The following MTUS2 variants were observed in gnomAD, a reference collection of about 807,000 sequenced individuals.
MTUS2 encodes the protein microtubule-associated tumor suppressor candidate 2.
Under a neutral mutation model 114.1 loss-of-function variants are expected in MTUS2, and 40 were observed. That is an observed-to-expected ratio of 0.35 (90% CI 0.27 to 0.46). The LOEUF is 0.46. Among genes scored for constraint, MTUS2 ranks in the 20% least tolerant of loss-of-function variants. MTUS2 has a pLI of 1.00. For synonymous variants in MTUS2, 688 were observed against 672.0 expected, an observed-to-expected ratio of 1.02 and a Z score of -0.37; for missense variants, 1,679 against 1,705.4, an observed-to-expected ratio of 0.98 and a Z score of 0.27.
At chr13:29,158,358 C>CCCCCCCCTTTTTTTTT in intron 5 of MTUS2, among the ~76,000 whole-genome samples, 3 of 32,048 alleles carry the variant, frequency 9.4e-5, no homozygotes, top group Non-Finnish European at 1.0e-4. Flanking sequence ...GTCCACCCCG[C>CCCCCCCCTTTTTTTTT]TTTTTTTTTT....
intron 4 of MTUS2, among the ~76,000 whole-genome samples, chr13:29,083,695 A>G (rs1021180010): frequency 6.6e-6 from 1 of 152,142 alleles, no homozygotes; most frequent in Non-Finnish European, 1.5e-5. Flanking sequence ...TGAAGGAACA[A>G]TGGAGGCATG....
intron 8 of MTUS2, among the ~76,000 whole-genome samples, chr13:29,434,930 A>G (rs1877296375): frequency 6.6e-6 from 1 of 152,240 alleles, no homozygotes; most frequent in Admixed American, 6.5e-5. Context: ...ATTGGGAGCC[A>G]TGTCTAAAAA....
intron 2 of MTUS2, among the ~76,000 whole-genome samples, chr13:28,997,022 G>T (rs891351764): frequency 2.6e-5 from 4 of 152,116 alleles, no homozygotes; most frequent in Admixed American, 2.6e-4. Context: ...GCTTTCTCTT[G>T]TGGGCATTTA....
At chr13:28,948,106 G>A (rs1003659256) in intron 2 of MTUS2, among the ~76,000 whole-genome samples, 1 of 152,098 alleles carries the variant, frequency 6.6e-6, no homozygotes, top group Non-Finnish European at 1.5e-5. Flanking sequence ...TACTGAACAC[G>A]ATGTAGCTAT....
chr13:29,241,528 G>C (rs1896732546), intron 5 of MTUS2, among the ~76,000 whole-genome samples: 1 of 152,048 alleles, frequency 6.6e-6, no homozygotes, highest in African/African-American at 2.4e-5. Context: ...CTTTTTCAGA[G>C]CGGCCGCCCT....
intron 9 of MTUS2, among the ~76,000 whole-genome samples, chr13:29,455,940 C>T (rs1457774673): frequency 1.3e-5 from 2 of 152,034 alleles, no homozygotes; most frequent in South Asian, 2.1e-4. Context: ...ATGATTACAC[C>T]ACTGCACTCC....
At chr13:29,486,420 C>T (rs1881621351) in intron 10 of MTUS2, among the ~76,000 whole-genome samples, 1 of 152,176 alleles carries the variant, frequency 6.6e-6, no homozygotes, top group Non-Finnish European at 1.5e-5. Context: ...GTCAACTTCA[C>T]AGTCAGGCTT....
intron 5 of MTUS2, among the ~76,000 whole-genome samples, chr13:29,275,535 C>T (rs956488394): frequency 2.6e-5 from 4 of 152,166 alleles, no homozygotes; most frequent in African/African-American, 9.7e-5. Flanking sequence ...ACCCTTCCAG[C>T]TTCTAATAAC....
At chr13:29,179,651 A>G (rs543970771) in intron 5 of MTUS2, among the ~76,000 whole-genome samples, 1 of 152,372 alleles carries the variant, frequency 6.6e-6, no homozygotes, top group South Asian at 2.1e-4. Context: ...AATTAAAAAC[A>G]AACTTTGAAA....
chr13:29,110,647 C>T (rs1351664475), intron 5 of MTUS2, among the ~76,000 whole-genome samples: 1 of 147,490 alleles, frequency 6.8e-6, no homozygotes, highest in Non-Finnish European at 1.5e-5. Context: ...TGCTTCCTTC[C>T]CACACATTTA....
chr13:29,210,344 G>A (rs1467796115), intron 5 of MTUS2, among the ~76,000 whole-genome samples: 1 of 151,772 alleles, frequency 6.6e-6, no homozygotes, highest in Non-Finnish European at 1.5e-5. Flanking sequence ...CTGTAACTTT[G>A]TTTTCTTTTA....
chr13:29,462,426 C>A (rs920356805), intron 9 of MTUS2, among the ~76,000 whole-genome samples: 4 of 152,002 alleles, frequency 2.6e-5, no homozygotes, highest in Non-Finnish European at 5.9e-5. Flanking sequence ...TTAAATGGTA[C>A]AGGAGACAAG....
rs1035190899 is a variant in MTUS2 at position 29,350,981 on chromosome 13, A to C, written c.2906-8281A>C. The stretch of plus-strand genomic sequence containing the variant: ...ATTTCATATATATATATATATATAT[A>C]TATCTTCAGAGGACACAAACATTCA... On this transcript the variant is annotated intron_variant, in intron 7 of 15. Coordinates refer to ENST00000612955, the MANE Select transcript of MTUS2 (RefSeq NM_001033602.4). 2.2e-4 allele frequency among the ~76,000 whole-genome samples: 25 copies of C among 115,120 alleles called. 1 individual carries two copies. Among genetic ancestry groups the C allele is most frequent in the African/African-American group, 6.8e-4 (23 of 33,776 alleles). 75.5% of individuals were successfully genotyped at this position (115,120 alleles called of 152,430 possible).
At chr13:28,830,175 C>A (rs1018488840) in intron 1 of MTUS2, among the ~76,000 whole-genome samples, 2 of 152,116 alleles carry the variant, frequency 1.3e-5, no homozygotes, top group Admixed American at 6.5e-5. Flanking sequence ...AATATAACAA[C>A]AAACCTTTAT....
chr13:28,997,511 T>C (rs915924880), intron 2 of MTUS2, among the ~76,000 whole-genome samples: 47 of 152,320 alleles, frequency 3.1e-4, no homozygotes, highest in African/African-American at 9.9e-4. Flanking sequence ...CCCATTATTA[T>C]TGTTTGGGAG....
intron 5 of MTUS2, among the ~76,000 whole-genome samples, chr13:29,143,613 T>C (rs945890091): frequency 2.6e-5 from 4 of 152,198 alleles, no homozygotes; most frequent in Non-Finnish European, 5.9e-5. Flanking sequence ...GAAAGGATAT[T>C]TGTGCAGATT....
chr13:29,362,230 C>T (rs1000857357), intron 8 of MTUS2, among the ~76,000 whole-genome samples: 1 of 152,216 alleles, frequency 6.6e-6, no homozygotes, highest in Non-Finnish European at 1.5e-5. Context: ...AGTGATCCTC[C>T]TGCCTCAGCC....
At chr13:28,859,715 G>T (rs1236843318) in intron 2 of MTUS2, among the ~76,000 whole-genome samples, 5 of 152,018 alleles carry the variant, frequency 3.3e-5, no homozygotes, top group Non-Finnish European at 5.9e-5. Flanking sequence ...TTTAAGAAAG[G>T]CTGTGTTTAT....
intron 13 of MTUS2, among the ~76,000 whole-genome samples, chr13:29,498,180 G>A (rs188516754): frequency 1.1e-4 from 17 of 152,332 alleles, no homozygotes; most frequent in African/African-American, 3.6e-4. Flanking sequence ...CTTGCCAGTG[G>A]TTGATGGCCA....
Sources: allele counts gnomAD v4.1 joint callset (sites outside exome capture counted in the v4.1 genomes callset), GRCh38; gene constraint gnomAD v4.1.1; transcripts MANE v1.5; gene names NCBI Gene and HGNC (gene_info 2026-07-23, HGNC 2026-07-21).